PLIN5: variants seen among roughly 807,000 people sequenced by gnomAD.
The protein encoded by PLIN5 is perilipin 5, also known as perilipin-5.
Under a neutral mutation model 32.8 loss-of-function variants are expected in PLIN5, and 34 were observed. That is an observed-to-expected ratio of 1.04 (90% CI 0.79 to 1.38). PLIN5 has a LOEUF of 1.38. Ranked by LOEUF, PLIN5 falls within the 40% of genes most tolerant of loss-of-function variation. The pLI, the probability that PLIN5 is intolerant of heterozygous loss-of-function variation, is 0.00. For synonymous variants in PLIN5, 309 were observed against 292.9 expected, an observed-to-expected ratio of 1.05 and a Z score of -0.56; for missense variants, 712 against 660.5, an observed-to-expected ratio of 1.08 and a Z score of -0.85.
chr19:4,531,955 G>A (rs770829880), intron 2 of PLIN5, 133 bp from the exon 3 acceptor site: 63 of 864,794 alleles, frequency 7.3e-5, no homozygotes, highest in East Asian at 2.4e-4. Flanking sequence ...ACCCCGCCAC[G>A]TAGAGGCAGT....
rs962893782 is a variant in PLIN5, at chr19:4,525,327, A to C, written c.721-251T>G. On this transcript the variant is annotated intron_variant, in intron 6 of 7. Coordinates refer to ENST00000381848, the MANE Select transcript of PLIN5 (RefSeq NM_001013706.3). The surrounding 1 kb of genome is among the most constrained non-coding windows in gnomAD (Gnocchi z 5.6). ...CTCTGGTGGCTGCTGCGGGGAGGGA[A>C]GAGCTGAGGATGGGAGGATTCTGAT... 3.9e-5 allele frequency among the ~76,000 whole-genome samples: 6 copies of C among 152,202 alleles called. No individual in the cohort carries two copies. Among genetic ancestry groups the C allele is most frequent in the South Asian group, 2.1e-4 (1 of 4,820 alleles).
chr19:4,524,847 A>C, intron 7 of PLIN5, 116 bp downstream of exon 7: 1 of 798,012 alleles, frequency 1.3e-6, no homozygotes, highest in Non-Finnish European at 1.8e-6. Context: ...ACTTGGTTTG[A>C]GATAGCTTGA....
intron 2 of PLIN5, chr19:4,533,652 G>T (rs11878179): frequency 0.032 from 14,056 of 441,514 alleles, 1,414 homozygotes; most frequent in African/African-American, 0.23. Context: ...TACATGAAAC[G>T]GTTGGAACTG....
At chr19:4,533,987 C>G (rs367751980) in intron 2 of PLIN5, 28 bp downstream of exon 2, 1 of 1,606,360 alleles carries the variant, frequency 6.2e-7, no homozygotes, top group African/African-American at 1.3e-5. Context: ...ACCTTCTGTC[C>G]CTGCTCCATG....
intron 5 of PLIN5, among the ~76,000 whole-genome samples, chr19:4,527,515 G>A (rs1191229457): frequency 7.1e-6 from 1 of 140,752 alleles, no homozygotes; most frequent in Non-Finnish European, 1.5e-5. Context: ...CTCTAGCCTG[G>A]GCGACAGAGT....
At chr19:4,533,682 T>C in intron 2 of PLIN5, 2 of 495,474 alleles carry the variant, frequency 4.0e-6, no homozygotes, top group Non-Finnish European at 7.1e-6. Context: ...CAGTGATTGC[T>C]GCTCTTACTA....
intron 5 of PLIN5, among the ~76,000 whole-genome samples, chr19:4,526,251 T>C (rs533624694): frequency 8.3e-4 from 126 of 152,084 alleles, no homozygotes; most frequent in Middle Eastern, 3.4e-3. Flanking sequence ...AGATGGAGTC[T>C]CGCTCTGTCC....
Position 4,529,791 on chromosome 19 carries a change from G to GA in PLIN5, c.331dup (p.Ser111PhefsTer69). 1 of 1,611,066 alleles carries GA rather than the reference G, an allele frequency of 6.2e-7. No homozygotes were observed. The highest frequency in any genetic ancestry group is 8.5e-7 in the Non-Finnish European group (1 of 1,177,962). The stretch of plus-strand genomic sequence containing the variant: ...TCTAGTCGTCCGGGGTACCGTCTCC[G>GA]AAGGTTGCTGGAGAAAGGGAAGCTT... On this transcript the variant is annotated frameshift_variant, in exon 4 of 8. Transcript: ENST00000381848. LOFTEE classifies it high-confidence loss of function.
In PLIN5 at chr19:4,531,664, G is replaced by A; in HGVS notation, c.219C>T (p.Asp73=). ...GGTGCTCGAGCAGCGGCTGGGCGTG[G>A]TCCAGGGCACGGGTGGTCAGGCCGC... The part of the protein sequence containing the change: ...CVCGLTTRAL[D]HAQPLLEHLQ... The change falls in exon 3 of 8, where the codon GAC becomes GAT. Residue 73 remains aspartate (D), a synonymous_variant. Transcript: ENST00000381848. The A allele has an allele frequency of 6.5e-7, 1 of 1,540,676 alleles. No homozygotes were observed.
chr19:4,526,747 G>A (rs1976808145), intron 5 of PLIN5, among the ~76,000 whole-genome samples: 1 of 152,018 alleles, frequency 6.6e-6, no homozygotes. Flanking sequence ...AGTCCCAGCT[G>A]CTTGAGAAGC....
chr19:4,529,639 ACACACACAC>A (rs1976858366), intron 4 of PLIN5, 136 bp downstream of exon 4: 1 of 541,068 alleles, frequency 1.8e-6, no homozygotes, highest in African/African-American at 2.3e-5. Flanking sequence ...ACACACACAC[ACACACACAC>A]ACGTTGCAGT....
In PLIN5 at chr19:4,523,213, C is replaced by T. The variant is rs944777754; in HGVS notation, c.*315G>A. On this transcript the variant is annotated 3_prime_UTR_variant, in exon 8 of 8. Transcript: ENST00000381848. This position sits in a 1 kb window ranked among gnomAD's most constrained non-coding sequence, Gnocchi z 5.0. ...GTGCTGGGATTACAGGCGTGAGCCA[C>T]TGTGCCCAGCCTCTTGGAAAGATTT... 2.5e-5 allele frequency: 7 copies of T among 274,908 alleles called. No homozygotes were observed. The highest frequency in any genetic ancestry group is 4.8e-5 in the Non-Finnish European group (7 of 147,346). 17.0% of individuals were successfully genotyped at this position (274,908 alleles called of 1,614,324 possible). A position where few individuals can be genotyped will look rare whatever the true frequency, so the allele number is the denominator to read the frequency against.
In PLIN5 at chr19:4,534,056, C is replaced by G. The variant is rs750623101; in HGVS notation, c.19G>C (p.Ala7Pro). The change falls in exon 2 of 8, where the codon GCT becomes CCT. Residue 7 changes from alanine (A) to proline (P), a missense_variant. Physicochemically the swap from Ala to Pro is conservative, Grantham distance 27. Coordinates refer to ENST00000381848, the MANE Select transcript of PLIN5 (RefSeq NM_001013706.3). ...CACACACTGGATCTGGGGATCTGAG[C>G]CGCCTCTTCTTCAGACATCGTGCTG... MSEEEA[A>P]QIPRSSVWEQ... is the part of the protein sequence containing the mutation. 2 of 1,613,208 alleles carry G rather than the reference C, an allele frequency of 1.2e-6. No homozygotes were observed. Among genetic ancestry groups the G allele is most frequent in the Non-Finnish European group, 8.5e-7 (1 of 1,179,612 alleles).
rs115811592 is a variant in PLIN5, at chr19:4,532,113, C to T, written c.61-291G>A. Among the ~76,000 whole-genome samples, 1,082 of 151,846 alleles carry T rather than the reference C, an allele frequency of 7.1e-3. 6 individuals are homozygous for T. The highest frequency in any genetic ancestry group is 0.022 in the African/African-American group (901 of 41,390). On this transcript the variant is annotated intron_variant, in intron 2 of 7. Transcript: ENST00000381848. ...AGTGCAGTGGCACCATCTCGGCTCA[C>T]GGCAACCTCCTCCTGGATTCAAACG... is the stretch of plus-strand genomic sequence containing the variant.
At chr19:4,532,840 A>G (rs951152360) in intron 2 of PLIN5, 2 of 151,856 alleles carry the variant, frequency 1.3e-5, no homozygotes, top group Non-Finnish European at 2.9e-5. Flanking sequence ...AGCTAATTTT[A>G]TTTTATTTTA....
rs1976755782 is a variant in PLIN5, at chr19:4,523,466, G to A, written c.*62C>T. On this transcript the variant is annotated 3_prime_UTR_variant, in exon 8 of 8. Coordinates refer to ENST00000381848, the MANE Select transcript of PLIN5 (RefSeq NM_001013706.3). The surrounding 1 kb of genome is among the most constrained non-coding windows in gnomAD (Gnocchi z 5.0). ...GCCTCGAGCTTACGTGTGGCCACCA[G>A]GGGGCAGCAGGGATCGGGGTGTGCA... 1 of 1,483,158 alleles carries A rather than the reference G, an allele frequency of 6.7e-7. No individual in the cohort carries two copies. The highest frequency in any genetic ancestry group is 9.0e-7 in the Non-Finnish European group (1 of 1,112,804). The allele number at this position is 1,483,158 out of a possible 1,614,324, so 91.9% of individuals were successfully genotyped here. A position where few individuals can be genotyped will look rare whatever the true frequency, so the allele number is the denominator to read the frequency against.
Position 4,529,610 on chromosome 19 carries a change from T to TATACACAC in PLIN5, c.339+173_339+174insGTGTGTAT, listed in dbSNP as rs533772328. On this transcript the variant is annotated intron_variant, in intron 4 of 7. Transcript: ENST00000381848. ...CACTATACGTATATACATATATGTA[T>TATACACAC]ACACACACACACACACACACACACA... is the stretch of plus-strand genomic sequence containing the variant. The TATACACAC allele has an allele frequency of 1.2e-4, 53 of 432,502 alleles. 1 individual carries two copies. The highest frequency in any genetic ancestry group is 6.8e-4 in the South Asian group (20 of 29,374). 26.8% of individuals were successfully genotyped at this position (432,502 alleles called of 1,614,324 possible). A position where few individuals can be genotyped will look rare whatever the true frequency, so the allele number is the denominator to read the frequency against.
chr19:4,525,615 C>A lies in PLIN5; in HGVS notation c.720+18G>T. 1 of 1,610,568 alleles carries A rather than the reference C, an allele frequency of 6.2e-7. No individual in the cohort carries two copies. Among genetic ancestry groups the A allele is most frequent in the Non-Finnish European group, 8.5e-7 (1 of 1,179,824 alleles). ...ATTGGCCTGCATCCCGGAGCAGGGG[C>A]GGGCAGCGGGCTCTCACCAGCTCCA... On this transcript the variant is annotated intron_variant, in intron 6 of 7. Transcript: ENST00000381848. The surrounding 1 kb of genome is among the most constrained non-coding windows in gnomAD (Gnocchi z 5.6).
rs868322899 is a variant in PLIN5, at chr19:4,531,813, G to C, written c.70C>G (p.Gln24Glu). 2 of 1,556,194 alleles carry C rather than the reference G, an allele frequency of 1.3e-6. No homozygotes were observed. The highest frequency in any genetic ancestry group is 2.4e-5 in the East Asian group (1 of 42,302). ...ACCAGGGGCAGAGCCACCACACGCT[G>C]CACCACGTTCTGCGGGAAGGGTCGG... is the stretch of plus-strand genomic sequence containing the variant. ...VWEQDQQNVV[Q>E]RVVALPLVRA... Residue 24 changes from glutamine to glutamate, a missense_variant, in exon 3 of 8, where the codon CAG (glutamine) becomes GAG (glutamate). Physicochemically the swap from Gln to Glu is conservative, Grantham distance 29. Coordinates refer to ENST00000381848, the MANE Select transcript of PLIN5 (RefSeq NM_001013706.3).
Sources: gnomAD v4.1 joint callset for allele counts (sites outside exome capture counted in the v4.1 genomes callset) on GRCh38, gnomAD v4.1.1 for gene constraint, Gnocchi (gnomAD v3.1) non-coding constraint, MANE v1.5 for transcripts, NCBI Gene and HGNC (gene_info 2026-07-23, HGNC 2026-07-21) for gene names.